CADPS: variants seen among roughly 807,000 people sequenced by gnomAD.
CADPS encodes calcium-dependent secretion activator 1.
A neutral mutation model predicts 167.3 loss-of-function variants in CADPS; 57 were observed. The ratio of observed to expected loss-of-function variants is 0.34; its 90% CI spans 0.28 to 0.42. CADPS has a LOEUF of 0.42. CADPS is among the 20% of genes least tolerant of loss of function. The pLI is 1.00. For missense variants in CADPS, 1,414 were observed against 1,738.1 expected, an observed-to-expected ratio of 0.81 and a Z score of 3.32; for synonymous variants, 676 against 635.3, an observed-to-expected ratio of 1.06 and a Z score of -0.96.
At chr3:62,638,215 C>T (rs2066714824) in intron 6 of CADPS, among the ~76,000 whole-genome samples, 1 of 151,976 alleles carries the variant, frequency 6.6e-6, no homozygotes, top group African/African-American at 2.4e-5. Flanking sequence ...CAATTTTGTA[C>T]TCTTGTCCAT....
chr3:62,829,373 G>C (rs1046801440), intron 1 of CADPS, among the ~76,000 whole-genome samples: 19 of 152,100 alleles, frequency 1.2e-4, no homozygotes, highest in Non-Finnish European at 2.6e-4. Flanking sequence ...CTATGTGTAG[G>C]ATACATGCAA....
At chr3:62,431,083 T>C (rs1268004194) in intron 28 of CADPS, among the ~76,000 whole-genome samples, 1 of 152,160 alleles carries the variant, frequency 6.6e-6, no homozygotes, top group Admixed American at 6.6e-5. Flanking sequence ...CAATTAAAAT[T>C]TGATCTAAAG....
At chr3:62,809,957 A>T (rs1004210842) in intron 1 of CADPS, among the ~76,000 whole-genome samples, 4 of 152,204 alleles carry the variant, frequency 2.6e-5, no homozygotes, top group Admixed American at 2.6e-4. Flanking sequence ...CAATATAGCC[A>T]TATCACTCAC....
Position 62,550,119 on chromosome 3 carries a change from G to A in CADPS, c.1754-4C>T, listed in dbSNP as rs774087642. 1 of 1,611,502 alleles carries A rather than the reference G, an allele frequency of 6.2e-7. No individual in the cohort carries two copies. Among genetic ancestry groups the A allele is most frequent in the South Asian group, 1.1e-5 (1 of 91,030 alleles). ...AAGGCTCGGCCACCCTCCAAACCTG[G>A]AAGAAAAGGGAGTAACAACTTCTAC... On this transcript the variant is annotated splice_polypyrimidine_tract_variant and splice_region_variant and intron_variant, in intron 10 of 29. Transcript: ENST00000383710.
intron 3 of CADPS, among the ~76,000 whole-genome samples, chr3:62,675,584 T>C (rs2076215953): frequency 6.6e-6 from 1 of 152,176 alleles, no homozygotes; most frequent in Non-Finnish European, 1.5e-5. Context: ...ATAAGCAGTA[T>C]TTTAACCAGT....
chr3:62,697,254 C>T (rs774892698), intron 3 of CADPS, among the ~76,000 whole-genome samples: 5 of 137,688 alleles, frequency 3.6e-5, no homozygotes, highest in Non-Finnish European at 7.9e-5. Context: ...TCTTTTATCC[C>T]TCACCCCCTC....
At position 62,420,200 on chromosome 3, in the gene CADPS, G is replaced by A. The variant is rs1016995141; in HGVS notation, c.3778-17015C>T. On this transcript the variant is annotated intron_variant, in intron 28 of 29. Coordinates refer to ENST00000383710, the MANE Select transcript of CADPS (RefSeq NM_003716.4). The surrounding 1 kb of genome is among the most constrained non-coding windows in gnomAD (Gnocchi z 4.1). ...AAGGACACAAATATACCATCTAAAA[G>A]GTACTGTCTGGAATCCTAGAATTTG... Among the ~76,000 whole-genome samples, 4 of 152,104 alleles carry A rather than the reference G, an allele frequency of 2.6e-5. No individual in the cohort carries two copies. The highest frequency in any genetic ancestry group is 7.2e-5 in the African/African-American group (3 of 41,414).
At chr3:62,490,636 C>T (rs1156405124) in intron 21 of CADPS, among the ~76,000 whole-genome samples, 7 of 152,132 alleles carry the variant, frequency 4.6e-5, no homozygotes, top group South Asian at 2.1e-4. Flanking sequence ...AAAAAGCACA[C>T]GGTTGTCAAA....
intron 7 of CADPS, among the ~76,000 whole-genome samples, chr3:62,589,695 G>A (rs2085483368): frequency 1.3e-5 from 2 of 152,220 alleles, no homozygotes; most frequent in South Asian, 4.1e-4. Flanking sequence ...CCTGGCCCAT[G>A]CATGGGTCCC....
intron 3 of CADPS, among the ~76,000 whole-genome samples, chr3:62,749,955 T>G (rs1353064086): frequency 6.6e-6 from 1 of 152,202 alleles, no homozygotes; most frequent in African/African-American, 2.4e-5. Flanking sequence ...GAGTTTCTAT[T>G]TTAATAGTTG....
At chr3:62,401,988 T>C (rs1445177331) in intron 29 of CADPS, among the ~76,000 whole-genome samples, 1 of 152,152 alleles carries the variant, frequency 6.6e-6, no homozygotes, top group African/African-American at 2.4e-5. Context: ...ATTGAGCTGG[T>C]CCTAAGGAAC....
intron 6 of CADPS, chr3:62,625,397 A>ACACG (rs201183346): frequency 3.6e-5 from 2 of 54,882 alleles, no homozygotes; most frequent in Admixed American, 2.1e-4. Context: ...ACACACACAC[A>ACACG]CACACACACG....
intron 1 of CADPS, among the ~76,000 whole-genome samples, chr3:62,838,901 A>G (rs2076262724): frequency 6.6e-6 from 1 of 152,216 alleles, no homozygotes; most frequent in African/African-American, 2.4e-5. Context: ...CTCCCAGCTC[A>G]AATACATTTG....
In CADPS at chr3:62,794,756, T is replaced by A. The variant is rs79717981; in HGVS notation, c.442-28772A>T. On this transcript the variant is annotated intron_variant, in intron 1 of 29. Transcript: ENST00000383710. ...GGGCTAGAGAATCTGTTGTTCATGTTTACAAGACAGACGCAAGGTGGTAAA... is the reference window on the plus strand; with the variant it reads ...GGGCTAGAGAATCTGTTGTTCATGTATACAAGACAGACGCAAGGTGGTAAA... 4.9e-3 allele frequency among the ~76,000 whole-genome samples: 693 copies of A among 140,166 alleles called. 10 individuals carry two copies. Among genetic ancestry groups the A allele is most frequent in the African/African-American group, 0.019 (646 of 34,520 alleles). 92.0% of individuals were successfully genotyped at this position (140,166 alleles called of 152,430 possible). A position where few individuals can be genotyped will look rare whatever the true frequency, so the allele number is the denominator to read the frequency against.
chr3:62,426,026 C>T (rs2052579113), intron 28 of CADPS, among the ~76,000 whole-genome samples: 1 of 152,168 alleles, frequency 6.6e-6, no homozygotes, highest in African/African-American at 2.4e-5. Flanking sequence ...CTGCTACTTG[C>T]TATCATGTTT....
rs2074170579 is a variant in CADPS at position 62,826,935 on chromosome 3, T to A, written c.441+47654A>T. Reference sequence around the variant, plus strand: ...TCTGCTGGTTGCTGCCTTTTTAGCTTTTTTTCCCCTTCTGAGCTGCCAGAC... The same window carrying A: ...TCTGCTGGTTGCTGCCTTTTTAGCTATTTTTCCCCTTCTGAGCTGCCAGAC... On this transcript the variant is annotated intron_variant, in intron 1 of 29. Transcript: ENST00000383710. 2.6e-5 allele frequency among the ~76,000 whole-genome samples: 4 copies of A among 152,154 alleles called. No individual in the cohort carries two copies. The South Asian group carries it at 8.3e-4, about 32-fold the overall frequency.
chr3:62,615,797 T>C (rs2062178475), intron 6 of CADPS, among the ~76,000 whole-genome samples: 1 of 152,108 alleles, frequency 6.6e-6, no homozygotes, highest in Non-Finnish European at 1.5e-5. Context: ...GAGTAAAACA[T>C]TATGATAAGT....
intron 23 of CADPS, among the ~76,000 whole-genome samples, chr3:62,477,709 A>G (rs916915056): frequency 6.6e-6 from 1 of 152,184 alleles, no homozygotes; most frequent in Admixed American, 6.5e-5. Flanking sequence ...TCCATGTCTC[A>G]TGCCCCGCTG....
chr3:62,609,630 A>T (rs1279837569), intron 6 of CADPS, among the ~76,000 whole-genome samples: 1 of 152,236 alleles, frequency 6.6e-6, no homozygotes, highest in Non-Finnish European at 1.5e-5. Context: ...TCTGTACAAT[A>T]GGAATAAGCA....
Sources: gnomAD v4.1 joint callset for allele counts (sites outside exome capture counted in the v4.1 genomes callset) on GRCh38, gnomAD v4.1.1 for gene constraint, Gnocchi (gnomAD v3.1) non-coding constraint, MANE v1.5 for transcripts, NCBI Gene and HGNC (gene_info 2026-07-23, HGNC 2026-07-21) for gene names.